LIFR: variants seen among roughly 807,000 people sequenced by gnomAD.
LIFR encodes leukemia inhibitory factor receptor.
In LIFR, 84 loss-of-function variants were observed where a neutral mutation model predicts 122.2. The observed-to-expected ratio is 0.69, with a 90% CI of 0.58 to 0.82. The LOEUF is 0.82. Among genes scored for constraint, LIFR ranks in the 40% least tolerant of loss-of-function variants. The pLI is 0.00. For synonymous variants in LIFR, 422 were observed against 434.7 expected (o/e 0.97, Z 0.36); for missense variants, 1,294 against 1,311.6 (o/e 0.99, Z 0.21).
At chr5:38,606,171 G>C (rs1750324338) in intron 2 of LIFR, 1 of 152,136 alleles carries the variant, frequency 6.6e-6, no homozygotes, top group Non-Finnish European at 1.5e-5. Flanking sequence ...GCCTGTGATG[G>C]GAATTTATAA....
At chr5:38,489,994 C>CAAAAAA (rs58235156) in intron 15 of LIFR, among the ~76,000 whole-genome samples, 196 bp downstream of exon 15, 3 of 49,664 alleles carry the variant, frequency 6.0e-5, no homozygotes, top group Admixed American at 3.0e-4. Flanking sequence ...GACCCTCTCT[C>CAAAAAA]AAAAAAAAAA....
chr5:38,514,920 C>G (rs957887569), intron 5 of LIFR, among the ~76,000 whole-genome samples: 2 of 152,140 alleles, frequency 1.3e-5, no homozygotes, highest in African/African-American at 4.8e-5. Context: ...TCTTTGAATT[C>G]TGGTATCTAA....
At chr5:38,483,061 T>C (rs1744082059) in intron 18 of LIFR, among the ~76,000 whole-genome samples, 1 of 152,210 alleles carries the variant, frequency 6.6e-6, no homozygotes, top group African/African-American at 2.4e-5. Flanking sequence ...ATGAGTACAC[T>C]GCAGGCTGTG....
At chr5:38,537,325 A>G (rs1219714310) in intron 1 of LIFR, among the ~76,000 whole-genome samples, 2 of 152,100 alleles carry the variant, frequency 1.3e-5, no homozygotes, top group Admixed American at 1.3e-4. Flanking sequence ...ACTGCCTCCA[A>G]TGGAGTGCCC....
intron 16 of LIFR, among the ~76,000 whole-genome samples, chr5:38,488,179 A>C (rs1744390483): frequency 6.6e-6 from 1 of 152,120 alleles, no homozygotes; most frequent in African/African-American, 2.4e-5. Context: ...ATGTTTGTGG[A>C]ATTTGATATT....
intron 5 of LIFR, among the ~76,000 whole-genome samples, chr5:38,514,947 A>T (rs1442724831): frequency 6.6e-6 from 1 of 152,220 alleles, no homozygotes; most frequent in East Asian, 1.9e-4. Context: ...TCCTGGAAGC[A>T]ATCCCCCAAA....
chr5:38,511,959 G>A lies in LIFR; in HGVS notation c.567C>T (p.Thr189=). The A allele has an allele frequency of 6.2e-7, 1 of 1,613,660 alleles. No individual in the cohort carries two copies. The highest frequency in any genetic ancestry group is 2.2e-5 in the East Asian group (1 of 44,856). The stretch of plus-strand genomic sequence containing the variant: ...CTTTGCCATTCAGAGTTGTGTTGTG[G>A]GTCACCTAAAAATGAACACAAACAC... The part of the protein sequence containing the change: ...KESMELVKLV[T]HNTTLNGKDT... Residue 189 remains threonine, a synonymous_variant, in exon 6 of 20, where the codon ACC becomes ACT. Transcript: ENST00000453190.
intron 13 of LIFR, 140 bp downstream of exon 13, chr5:38,496,242 C>A: frequency 1.4e-6 from 1 of 724,700 alleles, no homozygotes; most frequent in Admixed American, 2.0e-5. Flanking sequence ...CTGTAGACAT[C>A]AATCTGCTCA....
In LIFR at chr5:38,530,548, T is replaced by A. The variant is rs747910199; in HGVS notation, c.100A>T (p.Ile34Phe). ...ACTTGATTCATTAGATATAGAAGAA[T>A]AAATGTTGATAACAGCCACTGGAAA... ...SNFQWLLSTF[I>F]LLYLMNQVNS... Residue 34 changes from isoleucine to phenylalanine, a missense_variant, in exon 2 of 20, where the codon ATT becomes TTT. Coordinates refer to ENST00000453190, the MANE Select transcript of LIFR (RefSeq NM_001127671.2). 21 of 1,612,832 alleles carry A rather than the reference T, an allele frequency of 1.3e-5. No individual in the cohort carries two copies. The South Asian group carries it at 2.3e-4, about 18-fold the overall frequency.
At chr5:38,484,683 A>C in intron 18 of LIFR, 92 bp downstream of exon 18, 1 of 821,794 alleles carries the variant, frequency 1.2e-6, no homozygotes, top group Middle Eastern at 2.2e-4. Flanking sequence ...ACAACAAAAA[A>C]GATACACTTA....
chr5:38,478,623 T>G lies in LIFR; in HGVS notation c.*2972A>C, dbSNP rs1224778310. 1.6e-5 allele frequency: 3 copies of G among 187,760 alleles called. No individual in the cohort carries two copies. Among genetic ancestry groups the G allele is most frequent in the Non-Finnish European group, 3.4e-5 (3 of 88,840 alleles). The allele number at this position is 187,760 out of a possible 1,614,324, so 11.6% of individuals were successfully genotyped here. The stretch of plus-strand genomic sequence containing the variant: ...TAATATTAAATAAAATATTAATTAT[T>G]TAAAATGGTCACTCATAAAAGAAAT... On this transcript the variant is annotated 3_prime_UTR_variant, in exon 20 of 20. Coordinates refer to ENST00000453190, the MANE Select transcript of LIFR (RefSeq NM_001127671.2).
intron 5 of LIFR, among the ~76,000 whole-genome samples, chr5:38,519,757 C>T (rs940433233): frequency 2.6e-5 from 4 of 152,114 alleles, no homozygotes; most frequent in Admixed American, 2.0e-4. Flanking sequence ...TTTCGCTTAG[C>T]GTAGTGGCCT....
intron 1 of LIFR, among the ~76,000 whole-genome samples, chr5:38,589,069 C>T (rs1749840444): frequency 6.7e-6 from 1 of 149,192 alleles, no homozygotes; most frequent in Admixed American, 6.7e-5. Context: ...GCGATCTTGG[C>T]TCACTGCTAG....
Position 38,481,586 on chromosome 5 carries a change from G to A in LIFR, c.*9C>T, listed in dbSNP as rs1743984823. 1 of 1,614,078 alleles carries A rather than the reference G, an allele frequency of 6.2e-7. No individual in the cohort carries two copies. Among genetic ancestry groups the A allele is most frequent in the Non-Finnish European group, 8.5e-7 (1 of 1,179,942 alleles). On this transcript the variant is annotated 3_prime_UTR_variant, in exon 20 of 20. Transcript: ENST00000453190. Reference sequence around the variant, plus strand: ...TGAGATGGCTGACTGAAGTGACACGGTGACACTGTTAATCGTTTGGTTTGT... The same window carrying A: ...TGAGATGGCTGACTGAAGTGACACGATGACACTGTTAATCGTTTGGTTTGT...
chr5:38,486,591 G>C (rs1744296727), intron 16 of LIFR, among the ~76,000 whole-genome samples: 1 of 152,152 alleles, frequency 6.6e-6, no homozygotes, highest in Non-Finnish European at 1.5e-5. Flanking sequence ...AAATTAAATA[G>C]TACTAAATGG....
chr5:38,551,144 C>T (rs1445427980), intron 1 of LIFR, among the ~76,000 whole-genome samples: 1 of 152,164 alleles, frequency 6.6e-6, no homozygotes. Flanking sequence ...TTAACTGTTT[C>T]TATGGAGATG....
chr5:38,558,124 AAAGT>A (rs1303778450), upstream of LIFR: 7 of 152,038 alleles, frequency 4.6e-5, no homozygotes, highest in Non-Finnish European at 1.5e-5. Context: ...TAGGTTTAAG[AAAGT>A]ATTTTAATAT....
chr5:38,485,772 C>T, intron 17 of LIFR, 47 bp downstream of exon 17: 1 of 1,601,630 alleles, frequency 6.2e-7, no homozygotes, highest in East Asian at 2.2e-5. Context: ...CACTAGAACA[C>T]TACGCATGCA....
At chr5:38,527,058 A>C in intron 4 of LIFR, 97 bp downstream of exon 4, 1 of 1,086,364 alleles carries the variant, frequency 9.2e-7, no homozygotes, top group Non-Finnish European at 1.3e-6. Context: ...TAAAAGTAAT[A>C]GCATAACACA....
Sources: gnomAD v4.1 joint callset for allele counts (sites outside exome capture counted in the v4.1 genomes callset) on GRCh38, gnomAD v4.1.1 for gene constraint, MANE v1.5 for transcripts, NCBI Gene and HGNC (gene_info 2026-07-23, HGNC 2026-07-21) for gene names.